The following CSMD3 variants were observed in gnomAD, a reference collection of about 807,000 sequenced individuals.
CSMD3 encodes the protein CUB and Sushi multiple domains 3.
In CSMD3, 177 loss-of-function variants were observed where a neutral mutation model predicts 435.2. That is an observed-to-expected ratio of 0.41 (90% CI 0.36 to 0.46). The LOEUF is 0.46. CSMD3 is among the 20% of genes least tolerant of loss of function. The probability of loss-of-function intolerance (pLI) is 0.34; values close to 1 mark genes in which losing one functional copy is unlikely to be tolerated. For synonymous variants in CSMD3, 1,656 were observed against 1,520.5 expected, an observed-to-expected ratio of 1.09 and a Z score of -2.07; for missense variants, 4,265 against 4,504.6, an observed-to-expected ratio of 0.95 and a Z score of 1.52.
intron 13 of CSMD3, among the ~76,000 whole-genome samples, chr8:112,759,466 G>T (rs1040083972): frequency 6.6e-6 from 1 of 152,082 alleles, no homozygotes; most frequent in African/African-American, 2.4e-5. Flanking sequence ...GACTGATAAA[G>T]AAATCGTCTA....
intron 4 of CSMD3, among the ~76,000 whole-genome samples, chr8:113,149,535 A>G (rs189983961): frequency 1.3e-5 from 2 of 151,956 alleles, no homozygotes; most frequent in Non-Finnish European, 2.9e-5. Context: ...GCAATTCCCC[A>G]CATTTCCAAA....
rs1310204471 is a variant in CSMD3, at chr8:113,360,895, T to C, written c.179-46102A>G. Among the ~76,000 whole-genome samples the C allele has an allele frequency of 2.0e-5, 3 of 152,296 alleles. No homozygotes were observed. The East Asian group carries it at 5.8e-4, about 29-fold the overall frequency. On this transcript the variant is annotated intron_variant, in intron 1 of 70. Transcript: ENST00000297405. ...GCCGTGACTTCAGTCTTAATGAAAT[T>C]TCCTTGTCTAGCAATGGGATGCTAA...
At chr8:112,873,875 A>AT (rs918800047) in intron 10 of CSMD3, among the ~76,000 whole-genome samples, 3 of 151,492 alleles carry the variant, frequency 2.0e-5, no homozygotes, top group Non-Finnish European at 2.9e-5. Context: ...GGATTCACTG[A>AT]TTTTTTTTGA....
intron 11 of CSMD3, among the ~76,000 whole-genome samples, chr8:112,832,648 T>G (rs1455271752): frequency 6.6e-6 from 1 of 152,120 alleles, no homozygotes; most frequent in African/African-American, 2.4e-5. Flanking sequence ...TGACAACAAG[T>G]GAGCTTGGAA....
At chr8:112,714,117 C>G (rs996636372) in intron 13 of CSMD3, among the ~76,000 whole-genome samples, 5 of 152,084 alleles carry the variant, frequency 3.3e-5, no homozygotes, top group African/African-American at 7.2e-5. Context: ...AATTAAAAGG[C>G]ACAGACTGGC....
intron 9 of CSMD3, among the ~76,000 whole-genome samples, chr8:112,944,349 G>A (rs560627410): frequency 1.3e-5 from 2 of 151,366 alleles, no homozygotes; most frequent in South Asian, 2.1e-4. Context: ...CCTGTCCTTG[G>A]GATCCCATTT....
intron 1 of CSMD3, among the ~76,000 whole-genome samples, chr8:113,362,915 G>C (rs1227500543): frequency 6.6e-6 from 1 of 152,084 alleles, no homozygotes; most frequent in Non-Finnish European, 1.5e-5. Flanking sequence ...CTGAAGTTTG[G>C]GAGGGTTTAA....
At chr8:112,364,237 T>C (rs1005559808) in intron 38 of CSMD3, among the ~76,000 whole-genome samples, 1 of 151,970 alleles carries the variant, frequency 6.6e-6, no homozygotes, top group African/African-American at 2.4e-5. Context: ...TTTTTACAAC[T>C]ACTACAAGGG....
chr8:112,535,716 C>T lies in CSMD3; in HGVS notation c.4564+14955G>A, dbSNP rs568530466. Among the ~76,000 whole-genome samples the T allele has an allele frequency of 1.5e-4, 23 of 152,262 alleles. 1 individual carries two copies. In the East Asian group the frequency reaches 2.3e-3, roughly 15 times the overall value. On this transcript the variant is annotated intron_variant, in intron 27 of 70. Transcript: ENST00000297405. ...CAAAAAAGAGCCCGCATCGCCAAGT[C>T]GATCCTAAGCCAAAAGAACAAAGCT...
intron 24 of CSMD3, among the ~76,000 whole-genome samples, chr8:112,567,805 T>C (rs1239676712): frequency 3.9e-5 from 6 of 152,144 alleles, no homozygotes; most frequent in Non-Finnish European, 7.3e-5. Context: ...TTCTGATCTG[T>C]TTCCCAACTC....
At chr8:113,152,464 C>T (rs1387499499) in intron 4 of CSMD3, among the ~76,000 whole-genome samples, 1 of 151,902 alleles carries the variant, frequency 6.6e-6, no homozygotes, top group African/African-American at 2.4e-5. Context: ...CACCTGCATC[C>T]GTATGTCTTG....
At chr8:112,502,969 A>G (rs556671299) in intron 30 of CSMD3, among the ~76,000 whole-genome samples, 1 of 152,328 alleles carries the variant, frequency 6.6e-6, no homozygotes, top group South Asian at 2.1e-4. Flanking sequence ...TTAGAAAAAT[A>G]TATTTATAAA....
intron 38 of CSMD3, among the ~76,000 whole-genome samples, chr8:112,363,806 A>T (rs1827490788): frequency 6.6e-6 from 1 of 152,044 alleles, no homozygotes; most frequent in African/African-American, 2.4e-5. Context: ...GATCAATTAC[A>T]CTTATTTGCA....
chr8:113,194,932 A>T (rs2092633441), intron 3 of CSMD3, among the ~76,000 whole-genome samples: 1 of 151,118 alleles, frequency 6.6e-6, no homozygotes. Context: ...TACATATTTC[A>T]TTAAAGTGTT....
chr8:113,334,544 C>T (rs2094055927), intron 1 of CSMD3, among the ~76,000 whole-genome samples: 4 of 151,790 alleles, frequency 2.6e-5, no homozygotes, highest in Admixed American at 2.6e-4. Context: ...CTTTTATGTA[C>T]TGGATTTATA....
intron 32 of CSMD3, among the ~76,000 whole-genome samples, chr8:112,470,773 G>C (rs1818442482): frequency 6.6e-6 from 1 of 151,940 alleles, no homozygotes; most frequent in Admixed American, 6.6e-5. Context: ...CATGTGACAA[G>C]GCTGAAATTA....
At chr8:112,281,648 A>G (rs1167708596) in intron 58 of CSMD3, among the ~76,000 whole-genome samples, 2 of 152,132 alleles carry the variant, frequency 1.3e-5, no homozygotes, top group African/African-American at 4.8e-5. Flanking sequence ...AGGTACCACA[A>G]AATCTTTTAG....
intron 27 of CSMD3, among the ~76,000 whole-genome samples, chr8:112,535,660 G>T (rs1194226967): frequency 6.6e-6 from 1 of 151,848 alleles, no homozygotes; most frequent in Non-Finnish European, 1.5e-5. Context: ...TCACAGAATT[G>T]GAAAAAACTA....
At chr8:112,942,247 A>G (rs1036030939) in intron 9 of CSMD3, among the ~76,000 whole-genome samples, 6 of 151,542 alleles carry the variant, frequency 4.0e-5, no homozygotes, top group Non-Finnish European at 8.9e-5. Context: ...AAAAAAAAAA[A>G]AAAAACTGTC....
Sources: allele counts gnomAD v4.1 joint callset (sites outside exome capture counted in the v4.1 genomes callset), GRCh38; gene constraint gnomAD v4.1.1; transcripts MANE v1.5; gene names NCBI Gene and HGNC (gene_info 2026-07-23, HGNC 2026-07-21).